KLC1: variants seen among roughly 807,000 people sequenced by gnomAD.
KLC1 encodes kinesin 2 60/70kDa.
A neutral mutation model predicts 84.2 loss-of-function variants in KLC1; 30 were observed. That is an observed-to-expected ratio of 0.36 (90% confidence interval 0.27 to 0.48). The LOEUF (loss-of-function observed/expected upper bound fraction) is 0.48, where lower values mean the gene tolerates loss of function less well. KLC1 is among the 20% of genes least tolerant of loss of function. KLC1 has a pLI of 0.99. For missense variants in KLC1, 499 were observed against 805.4 expected (o/e 0.62, Z 4.60); for synonymous variants, 289 against 293.3 (o/e 0.99, Z 0.15).
At chr14:103,636,716 A>G (rs1324389460) in intron 1 of KLC1, among the ~76,000 whole-genome samples, 1 of 151,628 alleles carries the variant, frequency 6.6e-6, no homozygotes, top group Admixed American at 6.6e-5. Flanking sequence ...TAAGTTCCTT[A>G]CATATTTATT....
At chr14:103,658,468 T>G (rs2079003724) in intron 3 of KLC1, among the ~76,000 whole-genome samples, 1 of 141,554 alleles carries the variant, frequency 7.1e-6, no homozygotes, top group South Asian at 2.3e-4. Context: ...AGAGATGAGG[T>G]TTCACTGTTT....
chr14:103,642,952 G>A (rs529406353), intron 1 of KLC1, among the ~76,000 whole-genome samples: 2 of 152,064 alleles, frequency 1.3e-5, no homozygotes, highest in Admixed American at 6.6e-5. Context: ...TGTATTTTTA[G>A]TAGAGACGGG....
rs957612835 is a variant in KLC1, at chr14:103,694,241, T to C, written c.1848+1816T>C. On this transcript the variant is annotated intron_variant, in intron 15 of 16. Transcript: ENST00000334553. The surrounding 1 kb of genome is among the most constrained non-coding windows in gnomAD (Gnocchi z 4.5). ...CCTGCACACGAAGCCCATAGAGACG[T>C]GTGTTTCACTTTTTTTTTTTTTTTT... 101 of 982,376 alleles carry C rather than the reference T, an allele frequency of 1.0e-4. No individual in the cohort carries two copies. The African/African-American group carries it at 1.6e-3, about 16-fold the overall frequency. The allele number at this position is 982,376 out of a possible 1,614,324, so 60.9% of individuals were successfully genotyped here. A position where few individuals can be genotyped will look rare whatever the true frequency, so the allele number is the denominator to read the frequency against.
intron 3 of KLC1, among the ~76,000 whole-genome samples, chr14:103,659,344 C>T (rs988663594): frequency 2.0e-5 from 3 of 152,106 alleles, no homozygotes; most frequent in Non-Finnish European, 4.4e-5. Flanking sequence ...AAAAATTTTA[C>T]CCTCCTCTCA....
intron 13 of KLC1, chr14:103,686,191 GTCTT>G (rs2081769205): frequency 1.0e-6 from 1 of 986,824 alleles, no homozygotes; most frequent in Non-Finnish European, 1.2e-6. Flanking sequence ...GTGTATTTGT[GTCTT>G]TCTAACTTCT....
chr14:103,660,955 C>G (rs1413462123), intron 3 of KLC1, among the ~76,000 whole-genome samples: 1 of 152,132 alleles, frequency 6.6e-6, no homozygotes, highest in Admixed American at 6.6e-5. Context: ...GGATCGGAGA[C>G]TTTTAAAATT....
At chr14:103,638,667 T>C in intron 1 of KLC1, among the ~76,000 whole-genome samples, 1 of 148,620 alleles carries the variant, frequency 6.7e-6, no homozygotes, top group East Asian at 1.9e-4. Flanking sequence ...TTTTTTTTTT[T>C]TTTTTTTTTT....
In KLC1 at chr14:103,687,067, C is replaced by A; in HGVS notation, c.1651-14C>A. 1 of 1,516,874 alleles carries A rather than the reference C, an allele frequency of 6.6e-7. No homozygotes were observed. Among genetic ancestry groups the A allele is most frequent in the South Asian group, 1.2e-5 (1 of 82,320 alleles). 94.0% of individuals were successfully genotyped at this position (1,516,874 alleles called of 1,614,324 possible). On this transcript the variant is annotated splice_polypyrimidine_tract_variant and intron_variant, in intron 13 of 16. Transcript: ENST00000334553. ...AACCACCTGCAGCTTCACGTTTGTT[C>A]ACGTTTTTTTCAGGATGGCACTGGA...
intron 1 of KLC1, among the ~76,000 whole-genome samples, chr14:103,634,210 G>A (rs1307554315): frequency 6.6e-6 from 1 of 152,100 alleles, no homozygotes; most frequent in Non-Finnish European, 1.5e-5. Flanking sequence ...TTTATTGTTT[G>A]TCTCCACTTA....
intron 1 of KLC1, among the ~76,000 whole-genome samples, chr14:103,651,142 T>C (rs1256045748): frequency 6.6e-6 from 1 of 152,010 alleles, no homozygotes; most frequent in Admixed American, 6.6e-5. Context: ...CCATAATAGC[T>C]GGGATTACAG....
chr14:103,685,069 C>A, intron 13 of KLC1: 3 of 1,545,352 alleles, frequency 1.9e-6, no homozygotes, highest in Non-Finnish European at 2.6e-6. Flanking sequence ...CAGGCCCTGC[C>A]GTCTGGCGCT....
At chr14:103,657,336 C>G (rs2078914102) in intron 2 of KLC1, among the ~76,000 whole-genome samples, 2 of 152,074 alleles carry the variant, frequency 1.3e-5, no homozygotes, top group South Asian at 4.1e-4. Context: ...TGTAGGCATT[C>G]TGAGCGTGTG....
intron 1 of KLC1, among the ~76,000 whole-genome samples, chr14:103,644,553 C>T (rs948127786): frequency 3.3e-5 from 5 of 152,070 alleles, no homozygotes; most frequent in African/African-American, 4.8e-5. Context: ...CCACCGCGCC[C>T]GGCCTGCATG....
chr14:103,665,007 G>C (rs182873487), intron 5 of KLC1, among the ~76,000 whole-genome samples: 1 of 152,032 alleles, frequency 6.6e-6, no homozygotes. Context: ...TGTCAGTCTT[G>C]TGTTTTTCCC....
chr14:103,631,305 C>T (rs557168207), intron 1 of KLC1, among the ~76,000 whole-genome samples: 2 of 152,260 alleles, frequency 1.3e-5, no homozygotes, highest in Admixed American at 6.5e-5. Flanking sequence ...TGGTCTTGAT[C>T]TCCTGACCTC....
chr14:103,638,470 T>A (rs183394027), intron 1 of KLC1, among the ~76,000 whole-genome samples: 28 of 152,004 alleles, frequency 1.8e-4, no homozygotes, highest in Non-Finnish European at 3.5e-4. Flanking sequence ...TTTGTGCAAC[T>A]ACCATCTATC....
chr14:103,694,249 A>G lies in KLC1; in HGVS notation c.1848+1824A>G. The G allele has an allele frequency of 1.1e-6, 1 of 936,226 alleles. No homozygotes were observed. Among genetic ancestry groups the G allele is most frequent in the Non-Finnish European group, 1.2e-6 (1 of 803,634 alleles). The allele number at this position is 936,226 out of a possible 1,614,324, so 58.0% of individuals were successfully genotyped here. A position where few individuals can be genotyped will look rare whatever the true frequency, so the allele number is the denominator to read the frequency against. On this transcript the variant is annotated intron_variant, in intron 15 of 16. Transcript: ENST00000334553. This position sits in a 1 kb window ranked among gnomAD's most constrained non-coding sequence, Gnocchi z 4.5. ...CGAAGCCCATAGAGACGTGTGTTTC[A>G]CTTTTTTTTTTTTTTTTTTTGAGAC...
In KLC1 at chr14:103,657,443, T is replaced by G. The variant is rs370954919; in HGVS notation, c.262-103T>G. ...TTATATGTACTTTGGAGAAAATATC[T>G]GCGAGTGTAAGCTACAGCCCCAGCC... On this transcript the variant is annotated intron_variant, in intron 2 of 16. Coordinates refer to ENST00000334553, the MANE Select transcript of KLC1 (RefSeq NM_001394837.1). The G allele has an allele frequency of 5.1e-6, 4 of 779,592 alleles. No homozygotes were observed. In the African/African-American group the frequency reaches 6.9e-5, roughly 13 times the overall value. 48.3% of individuals were successfully genotyped at this position (779,592 alleles called of 1,614,324 possible). A position where few individuals can be genotyped will look rare whatever the true frequency, so the allele number is the denominator to read the frequency against.
chr14:103,666,402 C>T (rs1391980189), intron 5 of KLC1, among the ~76,000 whole-genome samples: 1 of 151,538 alleles, frequency 6.6e-6, no homozygotes, highest in Non-Finnish European at 1.5e-5. Flanking sequence ...TAACAAATCA[C>T]AGTGTGCTAG....
Sources: gnomAD v4.1 joint callset for allele counts (sites outside exome capture counted in the v4.1 genomes callset) on GRCh38, gnomAD v4.1.1 for gene constraint, Gnocchi (gnomAD v3.1) non-coding constraint, MANE v1.5 for transcripts, NCBI Gene and HGNC (gene_info 2026-07-23, HGNC 2026-07-21) for gene names.